The following LRRK1 variants were observed in gnomAD, a reference collection of about 807,000 sequenced individuals.
LRRK1 encodes the protein leucine-rich repeat serine/threonine-protein kinase 1.
In LRRK1, 113 loss-of-function variants were observed where a neutral mutation model predicts 209.1. The ratio of observed to expected loss-of-function variants is 0.54; its 90% CI spans 0.46 to 0.63. The LOEUF (loss-of-function observed/expected upper bound fraction) is 0.63. Ranked by LOEUF, LRRK1 falls within the 30% of genes least tolerant of loss-of-function variation. The pLI is 0.00. For missense variants in LRRK1, 2,284 were observed against 2,632.2 expected (o/e 0.87, Z 2.89); for synonymous variants, 1,144 against 1,099.7 (o/e 1.04, Z -0.80).
intron 2 of LRRK1, among the ~76,000 whole-genome samples, chr15:100,959,977 T>A (rs1052674341): frequency 6.6e-6 from 1 of 152,222 alleles, no homozygotes; most frequent in African/African-American, 2.4e-5. Context: ...CACTCATTTT[T>A]GTTGGGAGGA....
chr15:101,065,801 C>T lies in LRRK1; in HGVS notation c.5364C>T (p.Pro1788=), dbSNP rs370640930. 7.9e-5 allele frequency: 127 copies of T among 1,613,976 alleles called. 1 individual carries two copies. Among genetic ancestry groups the T allele is most frequent in the Non-Finnish European group, 9.3e-5 (110 of 1,180,030 alleles). ...GVPSPLRDMF[P]VRPLDTEPPA... ...CCAGCCCCCTCAGGGACATGTTTCC[C>T]GTGCGGCCCTTGGACACGGAACCCC... The change falls in exon 32 of 34, where the codon CCC becomes CCT. Residue 1788 remains proline, a synonymous_variant. Coordinates refer to ENST00000388948, the MANE Select transcript of LRRK1 (RefSeq NM_024652.6).
intron 6 of LRRK1, among the ~76,000 whole-genome samples, chr15:100,994,547 A>T (rs960163084): frequency 4.6e-5 from 7 of 152,226 alleles, no homozygotes; most frequent in South Asian, 2.1e-4. Context: ...CTTCTTACAC[A>T]TGCCAAGGTT....
Position 100,973,910 on chromosome 15 carries a change from C to T in LRRK1, c.204C>T (p.Gly68=), listed in dbSNP as rs779814479. 10 of 1,267,192 alleles carry T rather than the reference C, an allele frequency of 7.9e-6. No homozygotes were observed. Among genetic ancestry groups the T allele is most frequent in the Non-Finnish European group, 1.0e-5 (10 of 1,000,982 alleles). The allele number at this position is 1,267,192 out of a possible 1,614,324, so 78.5% of individuals were successfully genotyped here. The change falls in exon 3 of 34, where the codon GGC becomes GGT. Residue 68 remains glycine, a synonymous_variant. Coordinates refer to ENST00000388948, the MANE Select transcript of LRRK1 (RefSeq NM_024652.6). ...IRAAYRRGDR[G]GARDLLEEAC... is the part of the protein sequence containing the mutation. ...CCGCGTACAGGCGGGGAGACCGCGG[C>T]GGCGCCCGGGACCTGCTGGAGGAGG...
At chr15:101,056,386 C>T (rs2035794115) in intron 27 of LRRK1, among the ~76,000 whole-genome samples, 1 of 152,158 alleles carries the variant, frequency 6.6e-6, no homozygotes, top group South Asian at 2.1e-4. Flanking sequence ...CAGTGACTAA[C>T]AGCAAGTTCT....
In LRRK1 at chr15:100,988,725, G is replaced by C; in HGVS notation, c.525G>C (p.Thr175=). The change falls in exon 5 of 34, where the codon ACG becomes ACC. Residue 175 remains threonine, a synonymous_variant. Transcript: ENST00000388948. ...HLGVVKLLVL[T]HGADPESYAV... is the part of the protein sequence containing the mutation. ...GGGTTGTGAAGCTCCTGGTCCTGACGCACGGGGCTGACCCGGAGAGCTACG... is the reference window on the plus strand; with the variant it reads ...GGGTTGTGAAGCTCCTGGTCCTGACCCACGGGGCTGACCCGGAGAGCTACG... 6.2e-7 allele frequency: 1 copy of C among 1,614,130 alleles called. No homozygotes were observed. Among genetic ancestry groups the C allele is most frequent in the Non-Finnish European group, 8.5e-7 (1 of 1,179,994 alleles).
At chr15:100,945,584 C>T (rs1033554326) in intron 2 of LRRK1, among the ~76,000 whole-genome samples, 11 of 144,828 alleles carry the variant, frequency 7.6e-5, no homozygotes, top group Non-Finnish European at 3.0e-5. Flanking sequence ...ACCTCCGCCT[C>T]CTGGGTTCAA....
At chr15:100,976,268 G>A (rs1402481101) in intron 3 of LRRK1, among the ~76,000 whole-genome samples, 2 of 152,162 alleles carry the variant, frequency 1.3e-5, no homozygotes, top group Non-Finnish European at 2.9e-5. Flanking sequence ...AATAGAAAAA[G>A]AGGGTGCACT....
intron 30 of LRRK1, 167 bp from the exon 31 acceptor site, chr15:101,062,407 A>G: frequency 1.7e-6 from 1 of 581,220 alleles, no homozygotes; most frequent in Non-Finnish European, 3.1e-6. Context: ...CAACGTTTCT[A>G]CAAAGAGCAG....
chr15:101,014,898 A>G (rs2033456067), intron 11 of LRRK1, among the ~76,000 whole-genome samples: 1 of 152,182 alleles, frequency 6.6e-6, no homozygotes, highest in African/African-American at 2.4e-5. Context: ...TCTCATTTTT[A>G]ATTTTTAGTC....
intron 21 of LRRK1, 36 bp from the exon 22 acceptor site, chr15:101,048,457 CA>C: frequency 6.3e-7 from 1 of 1,586,454 alleles, no homozygotes; most frequent in Non-Finnish European, 8.5e-7. Context: ...GCGAGGAGCC[CA>C]GAATACTTAA....
chr15:100,945,607 C>G (rs922119166), intron 2 of LRRK1, among the ~76,000 whole-genome samples: 1 of 149,288 alleles, frequency 6.7e-6, no homozygotes, highest in African/African-American at 2.5e-5. Flanking sequence ...GATTATCCTG[C>G]CTCAGCCTCC....
chr15:100,941,264 GTC>G (rs1350571821), intron 2 of LRRK1, among the ~76,000 whole-genome samples: 8 of 143,274 alleles, frequency 5.6e-5, no homozygotes, highest in Non-Finnish European at 1.1e-4. Context: ...GTGTGTCTGT[GTC>G]TCTGTGTGTG....
At chr15:101,030,510 C>T (rs948971527) in intron 20 of LRRK1, among the ~76,000 whole-genome samples, 6 of 152,318 alleles carry the variant, frequency 3.9e-5, no homozygotes, top group Middle Eastern at 3.4e-3. Context: ...GTGACTGACA[C>T]AGCATGTCTG....
intron 2 of LRRK1, among the ~76,000 whole-genome samples, chr15:100,926,059 G>A (rs973379536): frequency 2.6e-5 from 4 of 152,240 alleles, no homozygotes; most frequent in African/African-American, 9.6e-5. Flanking sequence ...TCCAGCAGCT[G>A]ACCAGGGTGA....
intron 17 of LRRK1, 106 bp downstream of exon 17, chr15:101,026,243 C>G (rs1057071789): frequency 7.7e-6 from 9 of 1,174,840 alleles, no homozygotes; most frequent in Admixed American, 4.3e-5. Flanking sequence ...GGGGCTAGGC[C>G]CCTTTCCTGG....
At chr15:100,967,359 G>A (rs1596211516) in intron 2 of LRRK1, among the ~76,000 whole-genome samples, 1 of 152,328 alleles carries the variant, frequency 6.6e-6, no homozygotes, top group Middle Eastern at 3.4e-3. Flanking sequence ...TTCTGTGTTG[G>A]CATCTCAGGA....
chr15:100,983,535 T>G lies in LRRK1; in HGVS notation c.269T>G (p.Leu90Arg), dbSNP rs779865899. 1 of 1,597,446 alleles carries G rather than the reference T, an allele frequency of 6.3e-7. No homozygotes were observed. The highest frequency in any genetic ancestry group is 1.1e-5 in the South Asian group (1 of 89,352). Residue 90 changes from leucine (L) to arginine (R), a missense_variant, in exon 4 of 34, where the codon CTT becomes CGT. Leu to Arg is a moderately radical substitution (Grantham distance 102, BLOSUM62 -2). This residue lies in a region of LRRK1 where 174 missense variants were observed against 133.5 expected (regional missense o/e 1.30). Transcript: ENST00000388948. ...QCASQLEKGQLLSIPAAYGDL... is the reference protein window; with the variant it reads ...QCASQLEKGQRLSIPAAYGDL... ...CTGTTCTGTTTTGACCAGGGCCAGCTTCTGAGCATCCCGGCAGCCTATGGG... is the reference window on the plus strand; with the variant it reads ...CTGTTCTGTTTTGACCAGGGCCAGCGTCTGAGCATCCCGGCAGCCTATGGG...
At chr15:100,935,306 A>G (rs1390520520) in intron 2 of LRRK1, among the ~76,000 whole-genome samples, 1 of 152,192 alleles carries the variant, frequency 6.6e-6, no homozygotes, top group Non-Finnish European at 1.5e-5. Context: ...GGTGGCATTT[A>G]CACAGAATGA....
chr15:101,034,075 T>A (rs908613084), intron 20 of LRRK1, among the ~76,000 whole-genome samples: 1 of 152,200 alleles, frequency 6.6e-6, no homozygotes, highest in African/African-American at 2.4e-5. Context: ...TTTTGAAAAA[T>A]GTCTATTCAT....
Sources: gnomAD v4.1 joint callset for allele counts (sites outside exome capture counted in the v4.1 genomes callset) on GRCh38, gnomAD v4.1.1 for gene constraint, gnomAD v4.1.1 regional missense constraint, MANE v1.5 for transcripts, NCBI Gene and HGNC (gene_info 2026-07-23, HGNC 2026-07-21) for gene names.